Variants in LDB2 observed in about 807,000 individuals in gnomAD.
LDB2 encodes LIM domain binding 2.
LDB2 carries 12 observed loss-of-function variants against 44.3 expected under a neutral mutation model. The ratio of observed to expected loss-of-function variants is 0.27; its 90% CI spans 0.17 to 0.44. The LOEUF is 0.44. Ranked by LOEUF, LDB2 falls within the 20% of genes least tolerant of loss-of-function variation. The probability of loss-of-function intolerance (pLI) is 1.00; values close to 1 mark genes in which losing one functional copy is unlikely to be tolerated. For synonymous variants in LDB2, 164 were observed against 174.8 expected (o/e 0.94, Z 0.49); for missense variants, 344 against 473.5 (o/e 0.73, Z 2.54).
intron 1 of LDB2, among the ~76,000 whole-genome samples, chr4:16,779,822 C>T (rs770351824): frequency 8.5e-5 from 13 of 152,190 alleles, no homozygotes; most frequent in Non-Finnish European, 7.3e-5. Context: ...TGCAAGGTCT[C>T]ATCATTCTTA....
At chr4:16,698,881 A>C (rs964507349) in intron 2 of LDB2, among the ~76,000 whole-genome samples, 2 of 152,222 alleles carry the variant, frequency 1.3e-5, no homozygotes, top group African/African-American at 2.4e-5. Context: ...TATAGAATAC[A>C]AAATTCCTAA....
intron 1 of LDB2, among the ~76,000 whole-genome samples, chr4:16,761,267 G>T (rs951464509): frequency 1.3e-5 from 2 of 152,100 alleles, no homozygotes; most frequent in Admixed American, 1.3e-4. Flanking sequence ...TCAGACCACT[G>T]GACACCCCCG....
intron 5 of LDB2, among the ~76,000 whole-genome samples, chr4:16,527,940 C>T (rs907292472): frequency 4.0e-5 from 6 of 151,160 alleles, no homozygotes; most frequent in African/African-American, 1.2e-4. Context: ...TCATGTATAC[C>T]TTAATAAAGC....
intron 2 of LDB2, among the ~76,000 whole-genome samples, chr4:16,615,383 A>G (rs978996234): frequency 6.6e-6 from 1 of 152,234 alleles, no homozygotes; most frequent in Non-Finnish European, 1.5e-5. Flanking sequence ...AGACTGGATA[A>G]AGAAAATGCG....
chr4:16,747,051 C>A (rs1350725789), intron 2 of LDB2, among the ~76,000 whole-genome samples: 1 of 152,152 alleles, frequency 6.6e-6, no homozygotes, highest in Non-Finnish European at 1.5e-5. Flanking sequence ...TCTTACAAGT[C>A]CCATAACTAA....
At chr4:16,601,458 G>C (rs1018731482) in intron 2 of LDB2, among the ~76,000 whole-genome samples, 1 of 152,138 alleles carries the variant, frequency 6.6e-6, no homozygotes, top group Non-Finnish European at 1.5e-5. Context: ...AAAATGTGGA[G>C]TAAGAGGAAA....
At chr4:16,593,099 A>T (rs1486481162) in intron 3 of LDB2, among the ~76,000 whole-genome samples, 1 of 152,216 alleles carries the variant, frequency 6.6e-6, no homozygotes, top group Non-Finnish European at 1.5e-5. Flanking sequence ...AGGAATAGTT[A>T]ATATTTCTGT....
intron 2 of LDB2, among the ~76,000 whole-genome samples, chr4:16,643,489 CATCATT>C (rs1242350600): frequency 6.6e-6 from 1 of 152,140 alleles, no homozygotes; most frequent in African/African-American, 2.4e-5. Context: ...TCTTTGCTAT[CATCATT>C]ATCATTATTA....
chr4:16,608,016 T>C (rs1308994863), intron 2 of LDB2, among the ~76,000 whole-genome samples: 3 of 152,084 alleles, frequency 2.0e-5, no homozygotes, highest in African/African-American at 7.2e-5. Flanking sequence ...AATGTTCTAG[T>C]CCAGAACATG....
Position 16,700,060 on chromosome 4 carries a change from G to C in LDB2, c.235+59098C>G, listed in dbSNP as rs543245765. Among the ~76,000 whole-genome samples the C allele has an allele frequency of 2.4e-3, 360 of 152,244 alleles. 2 individuals carry two copies. Among genetic ancestry groups the C allele is most frequent in the Non-Finnish European group, 2.8e-3 (193 of 68,026 alleles). On this transcript the variant is annotated intron_variant, in intron 2 of 7. Coordinates refer to ENST00000304523, the MANE Select transcript of LDB2 (RefSeq NM_001290.5). ...TTTTGGAAGGTTTGTGTTGTACACT[G>C]AACTGTAGTTCAGCATCCCTAATTA... is the stretch of plus-strand genomic sequence containing the variant.
At chr4:16,851,796 A>T (rs558435721) in intron 1 of LDB2, among the ~76,000 whole-genome samples, 40 of 152,246 alleles carry the variant, frequency 2.6e-4, no homozygotes, top group African/African-American at 9.1e-4. Flanking sequence ...GTCTTTTCCA[A>T]ACAATGGTTT....
intron 5 of LDB2, among the ~76,000 whole-genome samples, chr4:16,558,068 A>G (rs1187284947): frequency 2.0e-5 from 3 of 152,088 alleles, no homozygotes; most frequent in Non-Finnish European, 4.4e-5. Flanking sequence ...CCATCTGTAC[A>G]TCACCATCAT....
intron 5 of LDB2, among the ~76,000 whole-genome samples, chr4:16,555,273 C>G (rs543543999): frequency 6.6e-6 from 1 of 152,250 alleles, no homozygotes; most frequent in South Asian, 2.1e-4. Flanking sequence ...AAACGTTGTT[C>G]TAAACCAAAA....
At chr4:16,640,525 T>C (rs1390194430) in intron 2 of LDB2, among the ~76,000 whole-genome samples, 1 of 152,150 alleles carries the variant, frequency 6.6e-6, no homozygotes, top group Non-Finnish European at 1.5e-5. Context: ...CTCAGATCCA[T>C]GGGGTGAAGG....
At chr4:16,744,973 A>G (rs1764097464) in intron 2 of LDB2, among the ~76,000 whole-genome samples, 3 of 152,200 alleles carry the variant, frequency 2.0e-5, no homozygotes, top group Non-Finnish European at 4.4e-5. Context: ...GTTACTCACA[A>G]ATACTATAGT....
At chr4:16,561,619 A>G (rs1319487377) in intron 5 of LDB2, among the ~76,000 whole-genome samples, 1 of 152,328 alleles carries the variant, frequency 6.6e-6, no homozygotes, top group East Asian at 1.9e-4. Context: ...GGAAGAATCA[A>G]TATCCTGAAA....
At chr4:16,774,869 G>A (rs1356830703) in intron 1 of LDB2, among the ~76,000 whole-genome samples, 1 of 152,160 alleles carries the variant, frequency 6.6e-6, no homozygotes, top group African/African-American at 2.4e-5. Context: ...GTTCACTACA[G>A]CCAAGAAATG....
chr4:16,743,981 C>T (rs1258464200), intron 2 of LDB2, among the ~76,000 whole-genome samples: 1 of 152,178 alleles, frequency 6.6e-6, no homozygotes, highest in East Asian at 1.9e-4. Flanking sequence ...AAAATCAAGG[C>T]AGTTAATGAC....
chr4:16,752,337 A>G (rs1765651241), intron 2 of LDB2: 1 of 405,650 alleles, frequency 2.5e-6, no homozygotes, highest in African/African-American at 2.1e-5. Context: ...AAAATGGGGG[A>G]TGAAAATCTC....
Sources: allele counts gnomAD v4.1 joint callset (sites outside exome capture counted in the v4.1 genomes callset), GRCh38; gene constraint gnomAD v4.1.1; transcripts MANE v1.5; gene names NCBI Gene and HGNC (gene_info 2026-07-23, HGNC 2026-07-21).